The following NBPF12 variants were observed in gnomAD, a reference collection of about 807,000 sequenced individuals.
The protein encoded by NBPF12 is NBPF family member NBPF12.
Under a neutral mutation model 146.4 loss-of-function variants are expected in NBPF12, and 115 were observed. The observed-to-expected ratio is 0.79, with a 90% CI of 0.68 to 0.92. The LOEUF (loss-of-function observed/expected upper bound fraction) is 0.92. Among genes scored for constraint, NBPF12 ranks in the 40% least tolerant of loss-of-function variants. NBPF12 has a pLI of 0.00. For synonymous variants in NBPF12, 385 were observed against 508.9 expected (o/e 0.76, Z 3.28); for missense variants, 1,205 against 1,326.8 (o/e 0.91, Z 1.43).
intron 14 of NBPF12, among the ~76,000 whole-genome samples, chr1:146,974,055 G>A (rs1163872642): frequency 2.0e-5 from 3 of 150,670 alleles, no homozygotes; most frequent in Admixed American, 6.6e-5. Flanking sequence ...GTAAATTGCT[G>A]CAATGAATTA....
At position 146,994,323 on chromosome 1, in the gene NBPF12, C is replaced by A. The variant is rs1376082647; in HGVS notation, c.4131-9C>A. 2.0e-4 allele frequency: 327 copies of A among 1,611,464 alleles called. 1 individual carries two copies. In the Admixed American group the frequency reaches 2.1e-3, roughly 10 times the overall value. Reference sequence around the variant, plus strand: ...CTGGCTGCTTCTTTAGTTTTGTCTCCTTTTCCAGGCTCAACAGCGTGCTGA... The same window carrying A: ...CTGGCTGCTTCTTTAGTTTTGTCTCATTTTCCAGGCTCAACAGCGTGCTGA... On this transcript the variant is annotated splice_polypyrimidine_tract_variant and intron_variant, in intron 33 of 33. Coordinates refer to ENST00000617844, the Ensembl canonical transcript of NBPF12.
chr1:146,985,009 A>G, intron 22 of NBPF12, 24 bp downstream of exon 25: 2 of 1,103,276 alleles, frequency 1.8e-6, no homozygotes, highest in Non-Finnish European at 1.4e-6. Context: ...TATGAAGGTG[A>G]TAAGGATCCA....
intron 31 of NBPF12, among the ~76,000 whole-genome samples, chr1:146,992,462 C>CTCTCTCTG (rs1450490306): frequency 4.5e-4 from 30 of 66,268 alleles, no homozygotes; most frequent in African/African-American, 1.1e-3. Flanking sequence ...CTCTCTCTCT[C>CTCTCTCTG]TGTGTGTGTG....
At chr1:146,960,883 C>T (rs1655805193) in intron 4 of NBPF12, among the ~76,000 whole-genome samples, 2 of 152,068 alleles carry the variant, frequency 1.3e-5, no homozygotes, top group Non-Finnish European at 2.9e-5. Flanking sequence ...CAGCATGGCT[C>T]ACTCCTGTAA....
In NBPF12 at chr1:146,981,384, C is replaced by T. The variant is rs1460333528; in HGVS notation, c.2451-1544C>T. On this transcript the variant is annotated intron_variant, in intron 19 of 33. Transcript: ENST00000617844. Reference sequence around the variant, plus strand: ...AAAAAAGAATGTTGAATATTGCTCCCACTCTCTTCTGGCTTGTAGGGTTTG... The same window carrying T: ...AAAAAAGAATGTTGAATATTGCTCCTACTCTCTTCTGGCTTGTAGGGTTTG... Among the ~76,000 whole-genome samples, 265 of 149,918 alleles carry T rather than the reference C, an allele frequency of 1.8e-3. 3 individuals carry two copies. In the Middle Eastern group the frequency reaches 0.038, roughly 22 times the overall value.
rs1157190275 is a variant in NBPF12 at position 146,972,126 on chromosome 1, T to C, written c.1592-625T>C. On this transcript the variant is annotated intron_variant, in intron 13 of 33. Transcript: ENST00000617844. ...AAAGTAAGTCTCTGACCAGGGGCGC[T>C]GGCTCACATCTTAATCCCAGCACTT... Among the ~76,000 whole-genome samples the C allele has an allele frequency of 4.2e-5, 6 of 142,070 alleles. No homozygotes were observed. The Admixed American group carries it at 4.2e-4, about 10-fold the overall frequency. 93.2% of individuals were successfully genotyped at this position (142,070 alleles called of 152,430 possible).
rs1185089294 is a variant in NBPF12 at position 146,987,672 on chromosome 1, G to A, written c.3117-282G>A. On this transcript the variant is annotated intron_variant, in intron 25 of 33. Transcript: ENST00000617844. The stretch of plus-strand genomic sequence containing the variant: ...GTCACCTGGACAATTCACTGAGCTC[G>A]TTTTCTCTCTCTCTCTCTCTCTTTC... Among the ~76,000 whole-genome samples, 606 of 150,970 alleles carry A rather than the reference G, an allele frequency of 4.0e-3. 11 individuals carry two copies. The highest frequency in any genetic ancestry group is 0.014 in the African/African-American group (565 of 40,610).
At chr1:146,941,415 T>C (rs1654796763) in intron 1 of NBPF12, among the ~76,000 whole-genome samples, 1 of 151,374 alleles carries the variant, frequency 6.6e-6, no homozygotes, top group Admixed American at 6.6e-5. Flanking sequence ...AAATATACTT[T>C]ATCAATCTTT....
intron 8 of NBPF12, 72 bp from the exon 12 acceptor site, chr1:146,966,392 C>G (rs1656212383): frequency 1.6e-6 from 2 of 1,231,224 alleles, no homozygotes; most frequent in Admixed American, 1.7e-5. Context: ...AGTGACATCC[C>G]TCAGTCCTGA....
chr1:146,994,945 A>G (rs1285272267), exon 34 of NBPF12: 66 of 355,112 alleles, frequency 1.9e-4, no homozygotes, highest in Middle Eastern at 9.6e-4. Flanking sequence ...AGTTCATCCA[A>G]AGGTGTTACC....
chr1:146,966,787 A>G (rs1328984843), intron 9 of NBPF12, 114 bp downstream of exon 12: 4 of 743,996 alleles, frequency 5.4e-6, no homozygotes, highest in Non-Finnish European at 9.8e-6. Context: ...TACTTCTAGG[A>G]AAACAGAAAT....
exon 11 of NBPF12, chr1:146,969,494 C>T: frequency 7.9e-7 from 1 of 1,258,216 alleles, no homozygotes; most frequent in East Asian, 2.3e-5. Context: ...CCAGGCCCTC[C>T]TCACTCCGGA....
intron 1 of NBPF12, among the ~76,000 whole-genome samples, chr1:146,942,484 C>G (rs1389257720): frequency 6.6e-6 from 1 of 151,568 alleles, no homozygotes; most frequent in African/African-American, 2.4e-5. Flanking sequence ...AGTACTTGAC[C>G]TCACCTGGCA....
rs1655662050 is a variant in NBPF12, at chr1:146,957,829, A to C, written c.-183-2030A>C. On this transcript the variant is annotated intron_variant, in intron 2 of 33. Transcript: ENST00000617844. ...CCCTCGCTCCGCCACTTAAAAAAGAAAAAAAAAATATAATATATATATATA... is the reference window on the plus strand; with the variant it reads ...CCCTCGCTCCGCCACTTAAAAAAGACAAAAAAAATATAATATATATATATA... 2.2e-5 allele frequency among the ~76,000 whole-genome samples: 2 copies of C among 92,274 alleles called. 1 individual carries two copies. Among genetic ancestry groups the C allele is most frequent in the Admixed American group, 2.8e-4 (2 of 7,068 alleles). 60.5% of individuals were successfully genotyped at this position (92,274 alleles called of 152,430 possible). A position where few individuals can be genotyped will look rare whatever the true frequency, so the allele number is the denominator to read the frequency against.
At chr1:146,994,827 T>C (rs1323775513) in exon 34 of NBPF12, 2 of 737,764 alleles carry the variant, frequency 2.7e-6, no homozygotes, top group African/African-American at 3.6e-5. Context: ...GACATTTTAA[T>C]TTGAACCATG....
chr1:146,971,980 T>G (rs1368217279), intron 13 of NBPF12, among the ~76,000 whole-genome samples: 3 of 147,466 alleles, frequency 2.0e-5, no homozygotes, highest in Admixed American at 1.3e-4. Context: ...CTCAGCTACT[T>G]GGGAGGCTGA....
At chr1:146,940,597 T>G (rs1333811398) in intron 1 of NBPF12, among the ~76,000 whole-genome samples, 1 of 150,708 alleles carries the variant, frequency 6.6e-6, no homozygotes, top group Non-Finnish European at 1.5e-5. Context: ...TTTTACTAAA[T>G]GAACCACCAC....
chr1:146,953,566 C>T lies in NBPF12; in HGVS notation c.-184+2077C>T, dbSNP rs1553884088. ...TATTATCAGGGCAAAAGAGAAAAAC[C>T]GTATGATTACCTTGTCATACACAGT... On this transcript the variant is annotated intron_variant, in intron 2 of 33. Transcript: ENST00000617844. 3.6e-4 allele frequency among the ~76,000 whole-genome samples: 53 copies of T among 145,960 alleles called. 2 individuals are homozygous for T. The East Asian group carries it at 8.8e-3, about 24-fold the overall frequency.
At chr1:146,946,033 G>A (rs1460816680), upstream of NBPF12, among the ~76,000 whole-genome samples, 2 of 151,798 alleles carry the variant, frequency 1.3e-5, no homozygotes, top group African/African-American at 2.4e-5. Flanking sequence ...CCTAGAGTTG[G>A]AATTACAGTA....
Sources: allele counts gnomAD v4.1 joint callset (sites outside exome capture counted in the v4.1 genomes callset), GRCh38; gene constraint gnomAD v4.1.1; transcripts MANE v1.5; gene names NCBI Gene and HGNC (gene_info 2026-07-23, HGNC 2026-07-21).